Variants in STK32C observed in about 807,000 individuals in gnomAD.
STK32C encodes the protein serine/threonine kinase 32C, also known as serine/threonine-protein kinase 32C.
Under a neutral mutation model 56.5 loss-of-function variants are expected in STK32C, and 31 were observed. The ratio of observed to expected loss-of-function variants is 0.55; its 90% CI spans 0.41 to 0.74. The LOEUF (loss-of-function observed/expected upper bound fraction) is 0.74, where lower values mean the gene tolerates loss of function less well. STK32C is among the 30% of genes least tolerant of loss of function. The pLI, the probability that STK32C is intolerant of heterozygous loss-of-function variation, is 0.00. For missense variants in STK32C, 544 were observed against 676.9 expected, an observed-to-expected ratio of 0.80 and a Z score of 2.18; for synonymous variants, 309 against 289.4, an observed-to-expected ratio of 1.07 and a Z score of -0.69.
intron 1 of STK32C, among the ~76,000 whole-genome samples, chr10:132,248,590 T>C (rs2063772707): frequency 6.6e-6 from 1 of 152,232 alleles, no homozygotes; most frequent in African/African-American, 2.4e-5. Flanking sequence ...CAGGAGCCCG[T>C]GGTCGGCACA....
intron 2 of STK32C, among the ~76,000 whole-genome samples, chr10:132,235,629 G>A (rs935602871): frequency 5.9e-5 from 9 of 152,234 alleles, no homozygotes; most frequent in Admixed American, 3.3e-4. Flanking sequence ...TCCAGGTGAC[G>A]TGGGCAGCAG....
chr10:132,252,035 G>A (rs1036179773), intron 1 of STK32C, among the ~76,000 whole-genome samples: 1 of 152,194 alleles, frequency 6.6e-6, no homozygotes, highest in African/African-American at 2.4e-5. Context: ...TGGGGCCTCC[G>A]ACCCACGCCT....
chr10:132,232,823 G>C (rs1000200533), intron 2 of STK32C, among the ~76,000 whole-genome samples: 74 of 151,944 alleles, frequency 4.9e-4, no homozygotes, highest in African/African-American at 1.5e-3. Context: ...CCTATGAAAC[G>C]CCACTGACGG....
intron 1 of STK32C, among the ~76,000 whole-genome samples, chr10:132,281,027 G>A (rs552796414): frequency 3.4e-5 from 5 of 146,398 alleles, no homozygotes; most frequent in South Asian, 2.3e-4. Flanking sequence ...CCGTGATCAC[G>A]TCCCTGCACT....
chr10:132,297,739 T>C (rs1411623832), intron 1 of STK32C, among the ~76,000 whole-genome samples: 1 of 152,192 alleles, frequency 6.6e-6, no homozygotes, highest in Non-Finnish European at 1.5e-5. Context: ...CAGGAAGCCC[T>C]GAGCCAGAGC....
chr10:132,224,842 C>T (rs947763802), intron 7 of STK32C, among the ~76,000 whole-genome samples: 4 of 152,098 alleles, frequency 2.6e-5, no homozygotes, highest in African/African-American at 9.7e-5. Context: ...CTGAGGGGTA[C>T]GGTCCACAAG....
chr10:132,219,244 C>G (rs916485746), intron 10 of STK32C, among the ~76,000 whole-genome samples: 1 of 152,064 alleles, frequency 6.6e-6, no homozygotes, highest in Non-Finnish European at 1.5e-5. Context: ...TTCCAAAAAC[C>G]TCTCTCAGCC....
chr10:132,223,143 C>T (rs1388940628), intron 8 of STK32C, among the ~76,000 whole-genome samples, 157 bp from the exon 9 acceptor site: 3 of 152,226 alleles, frequency 2.0e-5, no homozygotes, highest in Admixed American at 6.5e-5. Flanking sequence ...GTGGTGCCGA[C>T]GGCCGACATC....
In STK32C at chr10:132,208,247, C is replaced by G. The variant is rs2062163990; in HGVS notation, c.1320-96G>C. On this transcript the variant is annotated intron_variant, in intron 11 of 11. Transcript: ENST00000298630. ...CACGGGCTCATGGGGTAGGCCATGG[C>G]GTGGATGCCCAAACGTGGGCCACAG... 4 of 1,240,582 alleles carry G rather than the reference C, an allele frequency of 3.2e-6. No homozygotes were observed. In the East Asian group the frequency reaches 9.0e-5, roughly 28 times the overall value. 76.8% of individuals were successfully genotyped at this position (1,240,582 alleles called of 1,614,324 possible).
chr10:132,246,167 C>T (rs1235463116), intron 1 of STK32C, among the ~76,000 whole-genome samples: 2 of 152,234 alleles, frequency 1.3e-5, no homozygotes, highest in Non-Finnish European at 1.5e-5. Flanking sequence ...GGGTCTTGCA[C>T]GTCCTACTCC....
chr10:132,223,880 A>G (rs1452826219), intron 8 of STK32C, among the ~76,000 whole-genome samples: 1 of 152,190 alleles, frequency 6.6e-6, no homozygotes, highest in Non-Finnish European at 1.5e-5. Flanking sequence ...CCAGCCTAGC[A>G]CCAGATCACA....
At chr10:132,209,879 G>A (rs1207712113) in intron 10 of STK32C, among the ~76,000 whole-genome samples, 1 of 152,162 alleles carries the variant, frequency 6.6e-6, no homozygotes, top group Non-Finnish European at 1.5e-5. Flanking sequence ...CCCACCTCCT[G>A]CAGCTGAGGC....
At chr10:132,309,253 T>C (rs1201244270), upstream of STK32C, among the ~76,000 whole-genome samples, 1 of 152,172 alleles carries the variant, frequency 6.6e-6, no homozygotes, top group Non-Finnish European at 1.5e-5. Flanking sequence ...GGGAAGTCTG[T>C]GTGGCTTCTG....
At chr10:132,239,508 GGGT>G (rs1565096625) in intron 2 of STK32C, among the ~76,000 whole-genome samples, 2 of 152,248 alleles carry the variant, frequency 1.3e-5, no homozygotes, top group Non-Finnish European at 2.9e-5. Flanking sequence ...TGCCAGATGG[GGGT>G]CGCTCCATGC....
chr10:132,251,733 CAACACCCTACACCTCCT>C (rs2063915165), intron 1 of STK32C, among the ~76,000 whole-genome samples: 1 of 150,784 alleles, frequency 6.6e-6, no homozygotes, highest in Non-Finnish European at 1.5e-5. Flanking sequence ...ACAGGCAGGT[CAACACCCTACACCTCCT>C]GGGGCCTCCG....
At chr10:132,329,491 T>TA (rs34489196) in intron 1 of STK32C, among the ~76,000 whole-genome samples, 3 of 152,084 alleles carry the variant, frequency 2.0e-5, no homozygotes, top group Non-Finnish European at 2.9e-5. Context: ...CCGTGAACAT[T>TA]AAAAACAGAT....
intron 11 of STK32C, among the ~76,000 whole-genome samples, chr10:132,208,566 C>G (rs1002016779): frequency 6.6e-6 from 1 of 152,180 alleles, no homozygotes; most frequent in South Asian, 2.1e-4. Flanking sequence ...GGAGGCCCTC[C>G]TTGCCCCGTG....
intron 1 of STK32C, among the ~76,000 whole-genome samples, chr10:132,250,906 C>T (rs994646888): frequency 1.3e-5 from 2 of 152,236 alleles, no homozygotes; most frequent in African/African-American, 4.8e-5. Flanking sequence ...ATGGTGGGCT[C>T]CATGCAGGCC....
chr10:132,277,901 G>C (rs2065037555), intron 1 of STK32C, among the ~76,000 whole-genome samples: 1 of 152,120 alleles, frequency 6.6e-6, no homozygotes, highest in African/African-American at 2.4e-5. Flanking sequence ...CCTGCACTCT[G>C]GCTCACCTGG....
Sources: gnomAD v4.1 joint callset for allele counts (sites outside exome capture counted in the v4.1 genomes callset) on GRCh38, gnomAD v4.1.1 for gene constraint, MANE v1.5 for transcripts, NCBI Gene and HGNC (gene_info 2026-07-23, HGNC 2026-07-21) for gene names.